The following UPK1B variants were observed in gnomAD, a reference collection of about 807,000 sequenced individuals.
UPK1B encodes the protein uroplakin-1b.
A neutral mutation model predicts 34.2 loss-of-function variants in UPK1B; 28 were observed. That is an observed-to-expected ratio of 0.82 (90% CI 0.61 to 1.12). The LOEUF is 1.12. UPK1B is among the 50% of genes most tolerant of loss of function. The pLI, the probability that UPK1B is intolerant of heterozygous loss-of-function variation, is 0.00. For missense variants in UPK1B, 325 were observed against 320.9 expected, an observed-to-expected ratio of 1.01 and a Z score of -0.10; for synonymous variants, 81 against 110.4, an observed-to-expected ratio of 0.73 and a Z score of 1.67.
At chr3:119,180,239 G>A (rs1211440101) in intron 1 of UPK1B, among the ~76,000 whole-genome samples, 5 of 152,300 alleles carry the variant, frequency 3.3e-5, no homozygotes, top group Admixed American at 2.0e-4. Flanking sequence ...TAAGGTTTTC[G>A]GCTGATTGGA....
intron 1 of UPK1B, among the ~76,000 whole-genome samples, chr3:119,185,764 G>A (rs1228147141): frequency 6.6e-6 from 1 of 152,222 alleles, no homozygotes; most frequent in South Asian, 2.1e-4. Context: ...GTTGAGAGCT[G>A]TAGATGGCTT....
At chr3:119,182,556 T>C (rs912761702) in intron 1 of UPK1B, among the ~76,000 whole-genome samples, 3 of 152,236 alleles carry the variant, frequency 2.0e-5, no homozygotes, top group African/African-American at 4.8e-5. Context: ...AGGAAGTAGA[T>C]ACTAAGGAAA....
chr3:119,179,378 TATATATATATATATATATATTA>T lies in UPK1B; in HGVS notation c.-29+5743_-29+5764del, dbSNP rs1312737127. On this transcript the variant is annotated intron_variant, in intron 1 of 7. Transcript: ENST00000264234. ...ATATATATATATATATATATATATATATATATATATATATATATATTAATTCTAAGGAATTAACCTATGTGAT... is the reference window on the plus strand; with the variant it reads ...ATATATATATATATATATATATATATATTCTAAGGAATTAACCTATGTGAT... Among the ~76,000 whole-genome samples the T allele has an allele frequency of 1.2e-3, 97 of 80,940 alleles. 3 individuals carry two copies. Among genetic ancestry groups the T allele is most frequent in the African/African-American group, 3.8e-3 (87 of 23,068 alleles). The allele number at this position is 80,940 out of a possible 152,430, so 53.1% of individuals were successfully genotyped here.
rs1359318218 is a variant in UPK1B, at chr3:119,181,011, G to A, written c.-28-5703G>A. ...CAGACTTTGTAAGGTCAGCTTACAC[G>A]TTGTGACCAGTTTTTCAACATCACT... On this transcript the variant is annotated intron_variant, in intron 1 of 7. Coordinates refer to ENST00000264234, the MANE Select transcript of UPK1B (RefSeq NM_006952.4). 2.6e-5 allele frequency among the ~76,000 whole-genome samples: 4 copies of A among 152,344 alleles called. No homozygotes were observed. The East Asian group carries it at 5.8e-4, about 22-fold the overall frequency.
intron 5 of UPK1B, among the ~76,000 whole-genome samples, chr3:119,192,441 T>C (rs2107434360): frequency 6.6e-6 from 1 of 152,304 alleles, no homozygotes; most frequent in South Asian, 2.1e-4. Context: ...ACCATGATCA[T>C]TTCAATTTAA....
chr3:119,185,861 G>A (rs1184925541), intron 1 of UPK1B, among the ~76,000 whole-genome samples: 1 of 152,158 alleles, frequency 6.6e-6, no homozygotes, highest in Admixed American at 6.5e-5. Context: ...TCAGGGAGGT[G>A]AGAGACCCAT....
chr3:119,184,273 T>C (rs974663363), intron 1 of UPK1B, among the ~76,000 whole-genome samples: 10 of 152,180 alleles, frequency 6.6e-5, no homozygotes, highest in African/African-American at 2.4e-4. Flanking sequence ...CATAATTGGG[T>C]CACCCAGGCC....
At chr3:119,191,277 A>G (rs911138920) in intron 5 of UPK1B, among the ~76,000 whole-genome samples, 173 bp downstream of exon 5, 1 of 152,120 alleles carries the variant, frequency 6.6e-6, no homozygotes, top group Admixed American at 6.5e-5. Flanking sequence ...CCCTCTTAGA[A>G]CTCAGGTATC....
chr3:119,204,189 G>A lies in UPK1B; in HGVS notation c.*222G>A. The A allele has an allele frequency of 2.0e-6, 1 of 496,382 alleles. No homozygotes were observed. Among genetic ancestry groups the A allele is most frequent in the African/African-American group, 1.9e-5 (1 of 52,646 alleles). 30.7% of individuals were successfully genotyped at this position (496,382 alleles called of 1,614,324 possible). On this transcript the variant is annotated 3_prime_UTR_variant, in exon 8 of 8. Transcript: ENST00000264234. ...GCATTCTGCAACATTTATATAGACT[G>A]TTGAAAGGAGAATTTGAAAAATGCA...
At chr3:119,194,906 T>C (rs569016640) in intron 6 of UPK1B, among the ~76,000 whole-genome samples, 4 of 152,354 alleles carry the variant, frequency 2.6e-5, no homozygotes, top group African/African-American at 9.6e-5. Flanking sequence ...TACATACAGA[T>C]AGTTTTTGAA....
chr3:119,177,652 G>A (rs2077963225), intron 1 of UPK1B, among the ~76,000 whole-genome samples: 1 of 152,240 alleles, frequency 6.6e-6, no homozygotes, highest in South Asian at 2.1e-4. Context: ...TGACTTCTAA[G>A]TGTGACACCC....
intron 1 of UPK1B, among the ~76,000 whole-genome samples, chr3:119,176,516 A>G (rs1219785531): frequency 6.6e-6 from 1 of 152,168 alleles, no homozygotes; most frequent in Non-Finnish European, 1.5e-5. Flanking sequence ...AAGCAAAGGA[A>G]CTCCCAGGGT....
At chr3:119,189,078 ATG>A (rs996867177) in intron 3 of UPK1B, among the ~76,000 whole-genome samples, 2 of 152,188 alleles carry the variant, frequency 1.3e-5, no homozygotes, top group Non-Finnish European at 2.9e-5. Flanking sequence ...TGGGCCAGCC[ATG>A]TGCATGCCTG....
chr3:119,179,945 T>C (rs1043265362), intron 1 of UPK1B, among the ~76,000 whole-genome samples: 3 of 145,868 alleles, frequency 2.1e-5, no homozygotes, highest in Non-Finnish European at 3.0e-5. Context: ...ATTACAGGCA[T>C]GCGCCACCAC....
intron 4 of UPK1B, 93 bp from the exon 5 acceptor site, chr3:119,190,889 A>G (rs2078040964): frequency 6.5e-7 from 1 of 1,538,100 alleles, no homozygotes; most frequent in Non-Finnish European, 8.8e-7. Flanking sequence ...GAGAATGTTC[A>G]GTGTCCCCAG....
chr3:119,200,728 T>C (rs1031196859), intron 7 of UPK1B, among the ~76,000 whole-genome samples: 4 of 152,262 alleles, frequency 2.6e-5, no homozygotes, highest in African/African-American at 4.8e-5. Flanking sequence ...GCAATGAATA[T>C]TGTCAGTTGT....
At chr3:119,184,408 C>T (rs978346302) in intron 1 of UPK1B, among the ~76,000 whole-genome samples, 3 of 152,002 alleles carry the variant, frequency 2.0e-5, no homozygotes, top group African/African-American at 7.3e-5. Context: ...CCTTTGAACC[C>T]ACGCTGTAAT....
chr3:119,188,789 T>G (rs2078031155), intron 3 of UPK1B, among the ~76,000 whole-genome samples: 1 of 152,192 alleles, frequency 6.6e-6, no homozygotes, highest in South Asian at 2.1e-4. Context: ...CCCCCACCCC[T>G]GAAATAACCC....
rs3796355 is a variant in UPK1B, at chr3:119,186,737, C to T, written c.-5C>T. On this transcript the variant is annotated 5_prime_UTR_variant, in exon 2 of 8. Transcript: ENST00000264234. ...AGTGCCTTCAGCTTGTGGGAAATCCCGAAGATGGCCAAAGACAACTCAACT... is the reference window on the plus strand; with the variant it reads ...AGTGCCTTCAGCTTGTGGGAAATCCTGAAGATGGCCAAAGACAACTCAACT... 0.012 allele frequency: 19,577 copies of T among 1,613,790 alleles called. 580 individuals are homozygous for T. The East Asian group carries it at 0.13, about 10-fold the overall frequency.
Sources: allele counts gnomAD v4.1 joint callset (sites outside exome capture counted in the v4.1 genomes callset), GRCh38; gene constraint gnomAD v4.1.1; transcripts MANE v1.5; gene names NCBI Gene and HGNC (gene_info 2026-07-23, HGNC 2026-07-21).